IPCEF1: variants seen among roughly 807,000 people sequenced by gnomAD.
The protein encoded by IPCEF1 is interaction protein for cytohesin exchange factors 1.
IPCEF1 carries 31 observed loss-of-function variants against 50.9 expected under a neutral mutation model. The observed-to-expected ratio is 0.61, with a 90% CI of 0.46 to 0.82. IPCEF1 has a LOEUF of 0.82. IPCEF1 is among the 40% of genes least tolerant of loss of function. The pLI is 0.00. For synonymous variants in IPCEF1, 181 were observed against 192.0 expected (o/e 0.94, Z 0.47); for missense variants, 458 against 514.0 (o/e 0.89, Z 1.05).
chr6:154,281,588 A>C (rs759114163), intron 2 of IPCEF1, among the ~76,000 whole-genome samples: 14 of 151,970 alleles, frequency 9.2e-5, no homozygotes, highest in Non-Finnish European at 1.6e-4. Flanking sequence ...CTGGCCAGGC[A>C]TGGTGACTCA....
intron 11 of IPCEF1, among the ~76,000 whole-genome samples, chr6:154,167,142 A>G (rs2128553237): frequency 6.6e-6 from 1 of 152,330 alleles, no homozygotes; most frequent in Non-Finnish European, 1.5e-5. Context: ...AACAAAATTC[A>G]CTTACAGAAT....
At chr6:154,342,637 G>A (rs995777421) in intron 1 of IPCEF1, among the ~76,000 whole-genome samples, 14 of 152,084 alleles carry the variant, frequency 9.2e-5, no homozygotes, top group African/African-American at 3.4e-4. Context: ...GCTGAGGAGG[G>A]GGAGGCAGGC....
At position 154,155,747 on chromosome 6, in the gene IPCEF1, C is replaced by T. The variant is rs1798686795; in HGVS notation, c.*4081G>A. Reference sequence around the variant, plus strand: ...AGTGAGCTAAAATCGTGCCACTGCACTCCAGCCTGGGCAACAGAGCAAGAC... The same window carrying T: ...AGTGAGCTAAAATCGTGCCACTGCATTCCAGCCTGGGCAACAGAGCAAGAC... On this transcript the variant is annotated 3_prime_UTR_variant, in exon 12 of 12. Coordinates refer to ENST00000367220, the MANE Select transcript of IPCEF1 (RefSeq NM_001130700.2). 1 of 151,722 alleles carries T rather than the reference C, an allele frequency of 6.6e-6. No individual in the cohort carries two copies. Among genetic ancestry groups the T allele is most frequent in the African/African-American group, 2.4e-5 (1 of 41,184 alleles). The allele number at this position is 151,722 out of a possible 1,614,324, so 9.4% of individuals were successfully genotyped here. A position where few individuals can be genotyped will look rare whatever the true frequency, so the allele number is the denominator to read the frequency against.
chr6:154,193,577 A>G (rs1418474700), intron 10 of IPCEF1, among the ~76,000 whole-genome samples: 3 of 152,232 alleles, frequency 2.0e-5, no homozygotes, highest in African/African-American at 7.2e-5. Flanking sequence ...AGTAAATAAT[A>G]AAAACTTCAA....
At chr6:154,169,188 C>G (rs184763294) in intron 10 of IPCEF1, among the ~76,000 whole-genome samples, 1 of 152,078 alleles carries the variant, frequency 6.6e-6, no homozygotes, top group East Asian at 1.9e-4. Flanking sequence ...TGGTAAAACC[C>G]GTTGTCTACT....
At chr6:154,244,138 G>C (rs1780822866) in intron 5 of IPCEF1, among the ~76,000 whole-genome samples, 1 of 152,212 alleles carries the variant, frequency 6.6e-6, no homozygotes. Flanking sequence ...TAAGTGGCAG[G>C]AAGTAAATAA....
chr6:154,330,615 T>C (rs1160668216), intron 1 of IPCEF1, among the ~76,000 whole-genome samples: 1 of 152,092 alleles, frequency 6.6e-6, no homozygotes, highest in East Asian at 1.9e-4. Flanking sequence ...GACCTCCACG[T>C]CTGGCCAGCC....
At chr6:154,247,602 A>AAAACTCTCCAGGC in intron 3 of IPCEF1, 114 bp from the exon 4 acceptor site, 2 of 820,112 alleles carry the variant, frequency 2.4e-6, no homozygotes, top group Non-Finnish European at 2.0e-6. Flanking sequence ...AATCTAAAAA[A>AAAACTCTCCAGGC]AAACTCTCCA....
chr6:154,237,870 CAA>C (rs141698322), intron 5 of IPCEF1, among the ~76,000 whole-genome samples: 20,855 of 151,958 alleles, frequency 0.14, 1,622 homozygotes, highest in Non-Finnish European at 0.18. Context: ...ATATATGTGT[CAA>C]TACTTATACA....
At chr6:154,280,773 G>A (rs1157171332) in intron 2 of IPCEF1, among the ~76,000 whole-genome samples, 5 of 152,220 alleles carry the variant, frequency 3.3e-5, no homozygotes, top group East Asian at 1.9e-4. Flanking sequence ...TCGGGATCCC[G>A]ATGGTATTCT....
At chr6:154,213,074 T>C in intron 8 of IPCEF1, 2 of 519,276 alleles carry the variant, frequency 3.9e-6, no homozygotes. Context: ...GAGCATCCAA[T>C]ATGCAGGAAG....
At chr6:154,256,956 T>C (rs1781476967) in intron 3 of IPCEF1, among the ~76,000 whole-genome samples, 1 of 152,162 alleles carries the variant, frequency 6.6e-6, no homozygotes, top group Non-Finnish European at 1.5e-5. Flanking sequence ...TGGGCTAATT[T>C]AAGTGTTCTG....
At chr6:154,196,163 T>C (rs1776611516) in intron 10 of IPCEF1, among the ~76,000 whole-genome samples, 1 of 152,162 alleles carries the variant, frequency 6.6e-6, no homozygotes, top group Non-Finnish European at 1.5e-5. Flanking sequence ...AAAAAAATGA[T>C]ATATACACAA....
chr6:154,160,820 A>G (rs1052479396), intron 11 of IPCEF1, among the ~76,000 whole-genome samples: 1 of 152,146 alleles, frequency 6.6e-6, no homozygotes, highest in African/African-American at 2.4e-5. Context: ...CCATAATCCT[A>G]AGGTTGGATA....
intron 1 of IPCEF1, among the ~76,000 whole-genome samples, chr6:154,318,145 C>G (rs1391822860): frequency 3.3e-5 from 5 of 152,128 alleles, no homozygotes; most frequent in African/African-American, 7.2e-5. Context: ...GCAAGACTAA[C>G]CTTTGGAGAA....
At chr6:154,272,625 T>C (rs1021243685) in intron 2 of IPCEF1, among the ~76,000 whole-genome samples, 2 of 152,212 alleles carry the variant, frequency 1.3e-5, no homozygotes, top group Admixed American at 1.3e-4. Flanking sequence ...AGTAATAAAG[T>C]CAATTTCAAA....
At chr6:154,202,132 A>G (rs1209807907) in intron 9 of IPCEF1, among the ~76,000 whole-genome samples, 1 of 152,236 alleles carries the variant, frequency 6.6e-6, no homozygotes, top group African/African-American at 2.4e-5. Context: ...GTTCCATGCT[A>G]GACACGGATT....
intron 3 of IPCEF1, among the ~76,000 whole-genome samples, chr6:154,257,021 T>C (rs1005164819): frequency 2.6e-5 from 4 of 152,230 alleles, no homozygotes; most frequent in Admixed American, 6.5e-5. Context: ...TTAGGTGTAT[T>C]AAGTGCATTT....
chr6:154,183,582 A>G (rs1039696888), intron 10 of IPCEF1, among the ~76,000 whole-genome samples: 1 of 152,222 alleles, frequency 6.6e-6, no homozygotes, highest in African/African-American at 2.4e-5. Context: ...GGTATGTTCT[A>G]ACTACCATAC....
Sources: allele counts gnomAD v4.1 joint callset (sites outside exome capture counted in the v4.1 genomes callset), GRCh38; gene constraint gnomAD v4.1.1; transcripts MANE v1.5; gene names NCBI Gene and HGNC (gene_info 2026-07-23, HGNC 2026-07-21).